Variants in ASTN2 observed in about 807,000 individuals in gnomAD.
The protein encoded by ASTN2 is astrotactin-2.
Under a neutral mutation model 139.8 loss-of-function variants are expected in ASTN2, and 54 were observed. The ratio of observed to expected loss-of-function variants is 0.39; its 90% confidence interval spans 0.31 to 0.48. The LOEUF (loss-of-function observed/expected upper bound fraction) is 0.48, where lower values mean the gene tolerates loss of function less well. Ranked by LOEUF, ASTN2 falls within the 20% of genes least tolerant of loss-of-function variation. The probability of loss-of-function intolerance (pLI) is 0.95; values close to 1 mark genes in which losing one functional copy is unlikely to be tolerated. For synonymous variants in ASTN2, 756 were observed against 719.5 expected (o/e 1.05, Z -0.81); for missense variants, 1,565 against 1,725.1 (o/e 0.91, Z 1.64).
At chr9:116,654,091 G>A (rs1858074384) in intron 16 of ASTN2, among the ~76,000 whole-genome samples, 3 of 152,176 alleles carry the variant, frequency 2.0e-5, no homozygotes, top group Admixed American at 6.5e-5. Flanking sequence ...TAGCCGTTCG[G>A]GGAGAAGGTC....
Position 116,846,424 on chromosome 9 carries a change from G to T in ASTN2, c.2040+17159C>A, listed in dbSNP as rs575015704. 3.3e-5 allele frequency among the ~76,000 whole-genome samples: 5 copies of T among 152,242 alleles called. No homozygotes were observed. In the South Asian group the frequency reaches 1.0e-3, roughly 32 times the overall value. On this transcript the variant is annotated intron_variant, in intron 11 of 22. Transcript: ENST00000313400. ...GAAGCAGAGAGTGAAAGGCATAATG[G>T]TTCCTAACTTCAAAGAAAATCTAGA...
At chr9:116,647,188 A>G (rs1201328297) in intron 17 of ASTN2, among the ~76,000 whole-genome samples, 1 of 152,144 alleles carries the variant, frequency 6.6e-6, no homozygotes, top group African/African-American at 2.4e-5. Flanking sequence ...TACTCTATAC[A>G]GTCTTGACTC....
chr9:116,672,170 T>C (rs2131990631), intron 16 of ASTN2, among the ~76,000 whole-genome samples: 1 of 152,148 alleles, frequency 6.6e-6, no homozygotes, highest in South Asian at 2.1e-4. Context: ...GCTCAGGAGT[T>C]CAAGAACAGC....
chr9:116,930,640 A>G (rs1222777742), intron 10 of ASTN2, among the ~76,000 whole-genome samples: 1 of 152,108 alleles, frequency 6.6e-6, no homozygotes, highest in Non-Finnish European at 1.5e-5. Flanking sequence ...GGCACTTGGG[A>G]ACTCTATATT....
intron 1 of ASTN2, among the ~76,000 whole-genome samples, chr9:117,298,700 G>GTA (rs1398693133): frequency 6.3e-5 from 5 of 79,388 alleles, no homozygotes; most frequent in African/African-American, 1.9e-4. Flanking sequence ...ATGTGCATAT[G>GTA]TATGTGTGTG....
At chr9:116,751,740 TA>T (rs1829408648) in intron 13 of ASTN2, among the ~76,000 whole-genome samples, 1 of 152,056 alleles carries the variant, frequency 6.6e-6, no homozygotes, top group South Asian at 2.1e-4. Flanking sequence ...AATTTGAAAT[TA>T]AAAACAAAAC....
intron 16 of ASTN2, among the ~76,000 whole-genome samples, chr9:116,658,705 T>C (rs1858372007): frequency 6.7e-6 from 1 of 150,014 alleles, no homozygotes; most frequent in Non-Finnish European, 1.5e-5. Flanking sequence ...CTGGAGCAAG[T>C]ATGACCTTCC....
At chr9:116,445,663 T>G (rs1847965427) in intron 20 of ASTN2, among the ~76,000 whole-genome samples, 1 of 152,174 alleles carries the variant, frequency 6.6e-6, no homozygotes, top group Admixed American at 6.5e-5. Flanking sequence ...TTTCTCCAAT[T>G]GCTGGCTGAA....
intron 19 of ASTN2, among the ~76,000 whole-genome samples, chr9:116,508,261 C>T (rs184879462): frequency 5.3e-5 from 8 of 152,326 alleles, no homozygotes. Flanking sequence ...CTTCAGAAAG[C>T]TGTCTTGAGG....
intron 10 of ASTN2, among the ~76,000 whole-genome samples, chr9:116,950,558 T>C (rs1835528685): frequency 6.6e-6 from 1 of 152,130 alleles, no homozygotes; most frequent in Admixed American, 6.6e-5. Context: ...TGAAAGAACA[T>C]AGCAAATACT....
chr9:117,181,717 T>C (rs534011475), intron 3 of ASTN2, among the ~76,000 whole-genome samples: 1 of 152,294 alleles, frequency 6.6e-6, no homozygotes, highest in South Asian at 2.1e-4. Context: ...GGAAAAATCA[T>C]GTGTATTAAA....
chr9:117,174,570 C>A (rs1365405541), intron 3 of ASTN2, among the ~76,000 whole-genome samples: 1 of 151,856 alleles, frequency 6.6e-6, no homozygotes, highest in South Asian at 2.1e-4. Flanking sequence ...GCTGTGTAAA[C>A]CTCATGTTTT....
chr9:117,238,476 A>C (rs1833111942), intron 2 of ASTN2, among the ~76,000 whole-genome samples: 1 of 152,230 alleles, frequency 6.6e-6, no homozygotes, highest in Admixed American at 6.5e-5. Flanking sequence ...GGGTCCTCCC[A>C]GTGCTGAACC....
intron 13 of ASTN2, among the ~76,000 whole-genome samples, chr9:116,751,679 T>C (rs1354276993): frequency 6.6e-6 from 1 of 152,100 alleles, no homozygotes; most frequent in African/African-American, 2.4e-5. Context: ...AGGATACAGA[T>C]TTACATACAA....
At chr9:117,359,809 G>C (rs1406913206) in intron 1 of ASTN2, among the ~76,000 whole-genome samples, 1 of 152,184 alleles carries the variant, frequency 6.6e-6, no homozygotes, top group Non-Finnish European at 1.5e-5. Context: ...GCTGTGGTGT[G>C]AGCCTGCATC....
chr9:117,035,450 T>C (rs368034323), intron 6 of ASTN2, among the ~76,000 whole-genome samples: 16 of 152,156 alleles, frequency 1.1e-4, no homozygotes, highest in East Asian at 7.7e-4. Context: ...ATAGGCACTA[T>C]TATCGCTTTC....
Position 116,925,473 on chromosome 9 carries a change from C to T in ASTN2, c.1889+49735G>A, listed in dbSNP as rs75362316. ...GGGCTTGTAGTCTCAGAACAACAGA[C>T]AAGTCAGGCTCCTTTTCCAGTGCCT... On this transcript the variant is annotated intron_variant, in intron 10 of 22. Transcript: ENST00000313400. Among the ~76,000 whole-genome samples, 1,283 of 152,314 alleles carry T rather than the reference C, an allele frequency of 8.4e-3. 8 individuals are homozygous for T. Among genetic ancestry groups the T allele is most frequent in the Non-Finnish European group, 0.014 (956 of 68,030 alleles).
chr9:117,262,829 G>A (rs1476053230), intron 2 of ASTN2, among the ~76,000 whole-genome samples: 1 of 152,166 alleles, frequency 6.6e-6, no homozygotes, highest in Non-Finnish European at 1.5e-5. Flanking sequence ...GGGCGCAGAA[G>A]AGAAGGTGGG....
intron 4 of ASTN2, among the ~76,000 whole-genome samples, chr9:117,108,756 A>G (rs1226771792): frequency 1.3e-5 from 2 of 152,192 alleles, no homozygotes; most frequent in African/African-American, 4.8e-5. Flanking sequence ...TCTTGGGTGC[A>G]TTCAGATATC....
Sources: gnomAD v4.1 joint callset for allele counts (sites outside exome capture counted in the v4.1 genomes callset) on GRCh38, gnomAD v4.1.1 for gene constraint, MANE v1.5 for transcripts, NCBI Gene and HGNC (gene_info 2026-07-23, HGNC 2026-07-21) for gene names.